Variants in AFF3 observed in about 807,000 individuals in gnomAD.
The protein encoded by AFF3 is ALF transcription elongation factor 3, also known as AF4/FMR2 family member 3.
AFF3 carries 32 observed loss-of-function variants against 129.7 expected under a neutral mutation model. The observed-to-expected ratio is 0.25, with a 90% CI of 0.19 to 0.33. The LOEUF (loss-of-function observed/expected upper bound fraction) is 0.33. Ranked by LOEUF, AFF3 falls within the 10% of genes least tolerant of loss-of-function variation. The pLI is 1.00. For synonymous variants in AFF3, 644 were observed against 635.4 expected, an observed-to-expected ratio of 1.01 and a Z score of -0.20; for missense variants, 1,373 against 1,592.0, an observed-to-expected ratio of 0.86 and a Z score of 2.34.
At chr2:99,893,229 C>G (rs1464967047) in intron 7 of AFF3, among the ~76,000 whole-genome samples, 1 of 152,332 alleles carries the variant, frequency 6.6e-6, no homozygotes, top group East Asian at 1.9e-4. Flanking sequence ...AATGGTCACA[C>G]CTTCTCAGAA....
chr2:99,937,312 G>A (rs1191608510), intron 7 of AFF3, among the ~76,000 whole-genome samples: 1 of 152,200 alleles, frequency 6.6e-6, no homozygotes, highest in East Asian at 1.9e-4. Context: ...AAGGCTGAGA[G>A]AGAAGGGAAA....
intron 8 of AFF3, among the ~76,000 whole-genome samples, chr2:99,788,027 T>G (rs1477505779): frequency 6.6e-6 from 1 of 152,244 alleles, no homozygotes; most frequent in Non-Finnish European, 1.5e-5. Context: ...CAATAGCCAT[T>G]GTAATGTCAC....
At chr2:99,713,843 C>T (rs1678135952) in intron 11 of AFF3, among the ~76,000 whole-genome samples, 2 of 151,740 alleles carry the variant, frequency 1.3e-5, no homozygotes, top group Admixed American at 6.6e-5. Context: ...GGATTACAGG[C>T]GCCCGCTACC....
chr2:99,707,377 A>C, intron 11 of AFF3: 1 of 985,340 alleles, frequency 1.0e-6, no homozygotes, highest in South Asian at 4.7e-5. Flanking sequence ...TTCATGCTTC[A>C]TGGGAGAAAT....
intron 18 of AFF3, among the ~76,000 whole-genome samples, chr2:99,576,291 A>C (rs565751947): frequency 1.4e-4 from 21 of 151,662 alleles, no homozygotes; most frequent in African/African-American, 4.6e-4. Context: ...CCAGTCTCCC[A>C]AAGTGCTGGG....
chr2:99,568,756 T>C (rs1482426902), intron 19 of AFF3, 96 bp downstream of exon 19: 15 of 1,239,244 alleles, frequency 1.2e-5, no homozygotes, highest in Admixed American at 1.7e-5. Flanking sequence ...ATCCTTGTAA[T>C]AGATTTTATA....
intron 7 of AFF3, among the ~76,000 whole-genome samples, chr2:99,862,067 T>C (rs1413652888): frequency 6.6e-6 from 1 of 152,186 alleles, no homozygotes; most frequent in Non-Finnish European, 1.5e-5. Context: ...CACTGATTAG[T>C]TTTTGAAGTC....
Position 99,554,442 on chromosome 2 carries a change from G to C in AFF3, c.3428C>G (p.Ser1143Cys). ...QGSLSNASAL[S>C]PSTIVSIPQR... is the part of the protein sequence containing the mutation. ...TGGGATGCTGACGATGGTCGACGGG[G>C]ACAGGGCGCTGGCGTTGGAGAGGCT... The change falls in exon 24 of 25, where the codon TCC becomes TGC. Residue 1143 changes from serine (S) to cysteine (C), a missense_variant. Physicochemically the swap from Ser to Cys is moderately radical, Grantham distance 112. Coordinates refer to ENST00000672756, the MANE Select transcript of AFF3 (RefSeq NM_001386135.1). The C allele has an allele frequency of 6.2e-7, 1 of 1,614,140 alleles. No homozygotes were observed. The highest frequency in any genetic ancestry group is 1.1e-5 in the South Asian group (1 of 91,090).
intron 4 of AFF3, among the ~76,000 whole-genome samples, chr2:100,070,333 C>CT (rs146768466): frequency 0.098 from 14,890 of 152,240 alleles, 1,040 homozygotes; most frequent in Non-Finnish European, 0.14. Context: ...TTAAAACCGT[C>CT]TGACTAACAG....
At position 99,674,239 on chromosome 2, in the gene AFF3, G is replaced by A. The variant is rs1391458750; in HGVS notation, c.1092-1650C>T. On this transcript the variant is annotated intron_variant, in intron 11 of 24. Transcript: ENST00000672756. ...CACCCCCAATTCCTCTGCATGTCTG[G>A]CACGCCATTCATTTCCTTCACCTCA... 2.6e-5 allele frequency among the ~76,000 whole-genome samples: 4 copies of A among 152,136 alleles called. 1 individual carries two copies. The highest frequency in any genetic ancestry group is 9.7e-5 in the African/African-American group (4 of 41,434).
intron 7 of AFF3, among the ~76,000 whole-genome samples, chr2:99,847,608 T>A (rs192561701): frequency 3.9e-5 from 6 of 152,144 alleles, no homozygotes; most frequent in African/African-American, 1.4e-4. Context: ...AAGGTGCGTG[T>A]CCCAGTAAAA....
In AFF3 at chr2:100,070,636, T is replaced by TA. The variant is rs1200475732; in HGVS notation, c.53+33765dup. ...ATAATTTTTTTTCCATTAAAACACT[T>TA]AGTTTTCTTAACAGTACATGATAAT... is the stretch of plus-strand genomic sequence containing the variant. On this transcript the variant is annotated intron_variant, in intron 4 of 24. Transcript: ENST00000672756. 3.9e-5 allele frequency among the ~76,000 whole-genome samples: 6 copies of TA among 152,286 alleles called. No homozygotes were observed. The East Asian group carries it at 1.2e-3, about 29-fold the overall frequency.
At chr2:100,080,156 T>C (rs1688932674) in intron 4 of AFF3, among the ~76,000 whole-genome samples, 2 of 152,186 alleles carry the variant, frequency 1.3e-5, no homozygotes, top group Admixed American at 1.3e-4. Flanking sequence ...CAGAATGGCA[T>C]GGTAGAATGA....
intron 13 of AFF3, among the ~76,000 whole-genome samples, chr2:99,626,464 C>T (rs1308399210): frequency 5.3e-5 from 3 of 56,786 alleles, no homozygotes; most frequent in Non-Finnish European, 1.4e-4. Context: ...TTCCTTCCTT[C>T]CTCCCTCCCT....
intron 7 of AFF3, among the ~76,000 whole-genome samples, chr2:99,994,052 C>T (rs530740297): frequency 6.6e-5 from 10 of 151,552 alleles, no homozygotes; most frequent in Non-Finnish European, 7.4e-5. Flanking sequence ...GTGATCCACC[C>T]GCCTCAGCCT....
At chr2:99,947,279 A>T (rs1675662710) in intron 7 of AFF3, among the ~76,000 whole-genome samples, 2 of 152,028 alleles carry the variant, frequency 1.3e-5, no homozygotes, top group African/African-American at 4.8e-5. Flanking sequence ...CGTCTCTACT[A>T]AAAATACAAA....
In AFF3 at chr2:99,563,340, G is replaced by A. The variant is rs1298755548; in HGVS notation, c.3119+2147C>T. ...TGAGTAGCTAGGACTACAGGTGCCG[G>A]CCACCACGCCCGGCTAATTTTTTGT... On this transcript the variant is annotated intron_variant, in intron 20 of 24. Coordinates refer to ENST00000672756, the MANE Select transcript of AFF3 (RefSeq NM_001386135.1). Among the ~76,000 whole-genome samples the A allele has an allele frequency of 3.3e-5, 5 of 151,654 alleles. No homozygotes were observed. The East Asian group carries it at 6.0e-4, about 18-fold the overall frequency.
chr2:99,899,167 A>G (rs904371265), intron 7 of AFF3, among the ~76,000 whole-genome samples: 2 of 152,204 alleles, frequency 1.3e-5, no homozygotes, highest in Admixed American at 1.3e-4. Flanking sequence ...AAAAATGCCT[A>G]CTTCTGAAAA....
intron 20 of AFF3, among the ~76,000 whole-genome samples, chr2:99,563,189 CT>C (rs377014107): frequency 3.4e-4 from 49 of 145,340 alleles, no homozygotes; most frequent in Admixed American, 3.4e-4. Context: ...ATGCTGTTTT[CT>C]TTTTTTTTTT....
Sources: gnomAD v4.1 joint callset for allele counts (sites outside exome capture counted in the v4.1 genomes callset) on GRCh38, gnomAD v4.1.1 for gene constraint, MANE v1.5 for transcripts, NCBI Gene and HGNC (gene_info 2026-07-23, HGNC 2026-07-21) for gene names.